Variants in GABRG3 observed in about 807,000 individuals in gnomAD.
GABRG3 encodes the protein gamma-aminobutyric acid receptor subunit gamma-3.
In GABRG3, 25 loss-of-function variants were observed where a neutral mutation model predicts 48.8. The observed-to-expected ratio is 0.51, with a 90% CI of 0.37 to 0.72. The LOEUF is 0.72. Among genes scored for constraint, GABRG3 ranks in the 30% least tolerant of loss-of-function variants. The pLI, the probability that GABRG3 is intolerant of heterozygous loss-of-function variation, is 0.00. For missense variants in GABRG3, 394 were observed against 577.9 expected (o/e 0.68, Z 3.26); for synonymous variants, 227 against 217.6 (o/e 1.04, Z -0.38).
chr15:27,487,838 C>T (rs969074958), intron 6 of GABRG3, among the ~76,000 whole-genome samples: 31 of 152,128 alleles, frequency 2.0e-4, no homozygotes, highest in Admixed American at 2.0e-3. Flanking sequence ...TCTGGAATAT[C>T]GCCATGCTGA....
At chr15:27,166,077 G>A (rs1887361698) in intron 3 of GABRG3, among the ~76,000 whole-genome samples, 2 of 152,168 alleles carry the variant, frequency 1.3e-5, no homozygotes, top group South Asian at 2.1e-4. Context: ...TTTAGGCAAT[G>A]CGAAGCTTGC....
intron 2 of GABRG3, among the ~76,000 whole-genome samples, chr15:27,012,589 G>A (rs1377050230): frequency 2.0e-5 from 3 of 152,068 alleles, no homozygotes; most frequent in African/African-American, 4.8e-5. Flanking sequence ...TTTCAAGGCT[G>A]TATTAACTCT....
chr15:27,012,121 T>TA (rs1387857041), intron 2 of GABRG3, among the ~76,000 whole-genome samples: 1 of 152,210 alleles, frequency 6.6e-6, no homozygotes, highest in African/African-American at 2.4e-5. Context: ...AATTCTCTAT[T>TA]ATTTTTCTGT....
chr15:27,431,952 A>C (rs916287965), intron 5 of GABRG3, among the ~76,000 whole-genome samples: 3 of 152,050 alleles, frequency 2.0e-5, no homozygotes, highest in Non-Finnish European at 2.9e-5. Flanking sequence ...TGTATTTCCC[A>C]AATTTATTCC....
Position 27,238,207 on chromosome 15 carries a change from G to A in GABRG3, c.271-88602G>A, listed in dbSNP as rs559698447. Reference sequence around the variant, plus strand: ...GTGATAAATGAGACGTCAGGATGAGGAATGTATGCTTCCCTAGGAAGCAGT... The same window carrying A: ...GTGATAAATGAGACGTCAGGATGAGAAATGTATGCTTCCCTAGGAAGCAGT... On this transcript the variant is annotated intron_variant, in intron 3 of 9. Transcript: ENST00000615808. Among the ~76,000 whole-genome samples the A allele has an allele frequency of 7.0e-4, 107 of 152,278 alleles. 1 individual carries two copies. Among genetic ancestry groups the A allele is most frequent in the African/African-American group, 2.4e-3 (100 of 41,572 alleles).
intron 3 of GABRG3, among the ~76,000 whole-genome samples, chr15:27,266,178 A>G (rs907329483): frequency 6.3e-4 from 65 of 103,458 alleles, no homozygotes; most frequent in African/African-American, 2.0e-3. Context: ...TCACACCTGG[A>G]CCTGATTTTT....
chr15:27,490,621 G>A (rs530156441), intron 6 of GABRG3, among the ~76,000 whole-genome samples: 54 of 152,194 alleles, frequency 3.5e-4, no homozygotes, highest in African/African-American at 1.0e-3. Context: ...TTTGTCCAAT[G>A]AAACTTTTCT....
At chr15:27,320,106 C>T (rs865895189) in intron 3 of GABRG3, among the ~76,000 whole-genome samples, 1 of 152,130 alleles carries the variant, frequency 6.6e-6, no homozygotes, top group Admixed American at 6.5e-5. Context: ...AAGGTAAAGC[C>T]CAAGGACCCC....
chr15:27,227,015 A>C (rs957718345), intron 3 of GABRG3, among the ~76,000 whole-genome samples: 4 of 152,240 alleles, frequency 2.6e-5, no homozygotes, highest in Non-Finnish European at 4.4e-5. Context: ...AAAAAACTGA[A>C]AGAAAAAGGA....
chr15:27,403,225 A>G (rs896099706), intron 5 of GABRG3, among the ~76,000 whole-genome samples: 3 of 152,168 alleles, frequency 2.0e-5, no homozygotes, highest in African/African-American at 7.2e-5. Flanking sequence ...AAAAATGTTG[A>G]AAAGTTAAAG....
chr15:27,486,752 C>A (rs1469594009), intron 6 of GABRG3, among the ~76,000 whole-genome samples: 9 of 152,114 alleles, frequency 5.9e-5, no homozygotes, highest in Non-Finnish European at 4.4e-5. Context: ...TCAACACATG[C>A]CAAGTACATA....
chr15:27,227,710 G>A (rs1048250886), intron 3 of GABRG3, among the ~76,000 whole-genome samples: 8 of 151,380 alleles, frequency 5.3e-5, no homozygotes, highest in Admixed American at 3.3e-4. Context: ...AAACAACCAT[G>A]GCAATTTTTT....
At chr15:27,193,021 C>T (rs208142) in intron 3 of GABRG3, among the ~76,000 whole-genome samples, 27,147 of 152,026 alleles carry the variant, frequency 0.18, 2,457 homozygotes, top group East Asian at 0.33. Context: ...GCGGTGTCTG[C>T]AGAACAGTGG....
chr15:27,492,509 C>T (rs1307355083), intron 6 of GABRG3, among the ~76,000 whole-genome samples: 1 of 152,196 alleles, frequency 6.6e-6, no homozygotes, highest in Non-Finnish European at 1.5e-5. Flanking sequence ...AGCAGTTGAG[C>T]CTGGAAGCCC....
At chr15:27,530,070 T>C (rs1428517426) in intron 9 of GABRG3, among the ~76,000 whole-genome samples, 1 of 152,158 alleles carries the variant, frequency 6.6e-6, no homozygotes, top group Non-Finnish European at 1.5e-5. Context: ...TGCAGCCTTA[T>C]GCTAGTGAAG....
Position 27,099,347 on chromosome 15 carries a change from T to C in GABRG3, c.270+72526T>C, listed in dbSNP as rs141456859. Among the ~76,000 whole-genome samples the C allele has an allele frequency of 1.4e-3, 217 of 152,258 alleles. 8 individuals are homozygous for C. The East Asian group carries it at 0.029, about 20-fold the overall frequency. ...TTCTCACCATTCTGGAGGCTGGAAG[T>C]CCAAGATCATCAGGTTTGGTGTCTT... On this transcript the variant is annotated intron_variant, in intron 3 of 9. Coordinates refer to ENST00000615808, the MANE Select transcript of GABRG3 (RefSeq NM_033223.5).
intron 3 of GABRG3, among the ~76,000 whole-genome samples, chr15:27,135,708 C>A (rs1897996817): frequency 6.6e-6 from 1 of 152,048 alleles, no homozygotes; most frequent in Admixed American, 6.6e-5. Flanking sequence ...AGTTTGAGAC[C>A]AGCCTGGCCA....
intron 3 of GABRG3, among the ~76,000 whole-genome samples, chr15:27,108,432 A>T (rs1897487851): frequency 6.6e-6 from 1 of 152,146 alleles, no homozygotes; most frequent in Non-Finnish European, 1.5e-5. Context: ...CTGTTCTTGT[A>T]AGTGTGTTAA....
At position 27,263,251 on chromosome 15, in the gene GABRG3, C is replaced by T. The variant is rs1012389809; in HGVS notation, c.271-63558C>T. On this transcript the variant is annotated intron_variant, in intron 3 of 9. Coordinates refer to ENST00000615808, the MANE Select transcript of GABRG3 (RefSeq NM_033223.5). ...TAGCACAGAAATGTGGCGTTACAGC[C>T]AGAATCTTGTTTTCCAGAGTTTAGT... 6.6e-5 allele frequency among the ~76,000 whole-genome samples: 10 copies of T among 152,290 alleles called. 1 individual carries two copies. The highest frequency in any genetic ancestry group is 6.8e-3 in the Middle Eastern group (2 of 294).
Sources: gnomAD v4.1 joint callset for allele counts (sites outside exome capture counted in the v4.1 genomes callset) on GRCh38, gnomAD v4.1.1 for gene constraint, MANE v1.5 for transcripts, NCBI Gene and HGNC (gene_info 2026-07-23, HGNC 2026-07-21) for gene names.